The following TUBAL3 variants were observed in gnomAD, a reference collection of about 807,000 sequenced individuals.
The protein encoded by TUBAL3 is tubulin alpha like 3.
TUBAL3 carries 16 observed loss-of-function variants against 15.5 expected under a neutral mutation model. The ratio of observed to expected loss-of-function variants is 1.04; its 90% CI spans 0.70 to 1.57. The LOEUF (loss-of-function observed/expected upper bound fraction) is 1.57. Ranked by LOEUF, TUBAL3 falls within the 40% of genes most tolerant of loss-of-function variation. The pLI is 0.00. For missense variants in TUBAL3, 609 were observed against 576.2 expected (o/e 1.06, Z -0.58); for synonymous variants, 238 against 224.3 (o/e 1.06, Z -0.55).
At chr10:5,402,611 C>G (rs1307592996) in intron 1 of TUBAL3, among the ~76,000 whole-genome samples, 7 of 152,332 alleles carry the variant, frequency 4.6e-5, no homozygotes, top group Admixed American at 2.0e-4. Flanking sequence ...GGGCCACAGA[C>G]CAGTACCAGT....
chr10:5,400,664 G>A (rs977947277), intron 2 of TUBAL3, among the ~76,000 whole-genome samples, 180 bp downstream of exon 2: 2 of 152,072 alleles, frequency 1.3e-5, no homozygotes, highest in African/African-American at 4.8e-5. Flanking sequence ...CACTAATCTG[G>A]TCTTCCCTTT....
chr10:5,400,035 T>TAAAGA (rs1831825862), intron 2 of TUBAL3, among the ~76,000 whole-genome samples: 1 of 152,220 alleles, frequency 6.6e-6, no homozygotes, highest in Non-Finnish European at 1.5e-5. Flanking sequence ...GAGCCCCTTC[T>TAAAGA]CTCTCCTTTA....
In TUBAL3 at chr10:5,394,061, A is replaced by G. The variant is rs1831721282; in HGVS notation, c.797T>C (p.Leu266Pro). 1 of 1,614,222 alleles carries G rather than the reference A, an allele frequency of 6.2e-7. No individual in the cohort carries two copies. The highest frequency in any genetic ancestry group is 8.5e-7 in the Non-Finnish European group (1 of 1,180,034). The change falls in exon 4 of 4, where the codon CTG (leucine) becomes CCG (proline). Residue 266 changes from leucine (L) to proline (P), a missense_variant. Coordinates refer to ENST00000380419, the MANE Select transcript of TUBAL3 (RefSeq NM_024803.3). This position sits in a 1 kb window ranked among gnomAD's most constrained non-coding sequence, Gnocchi z 4.3. ...GAAATGTATTCTCGGATAAGGTACC[A>G]GGTTGGTCTGGAATTCAATTAGGTC... ...NVDLIEFQTN[L>P]VPYPRIHFPM...
chr10:5,404,396 C>T (rs1195870873), intron 1 of TUBAL3, among the ~76,000 whole-genome samples: 3 of 152,176 alleles, frequency 2.0e-5, no homozygotes, highest in African/African-American at 4.8e-5. Context: ...AGGTTAGCCA[C>T]GGTTACCTAA....
Position 5,396,165 on chromosome 10 carries a change from G to A in TUBAL3, c.248-690C>T, listed in dbSNP as rs1473790360. ...ACCCTAGGACACATTGGCATTTTGA[G>A]ACAAGTATTTTTATCTACAAATTGC... On this transcript the variant is annotated intron_variant, in intron 2 of 3. Transcript: ENST00000380419. The surrounding 1 kb of genome is among the most constrained non-coding windows in gnomAD (Gnocchi z 5.1). 6.6e-6 allele frequency among the ~76,000 whole-genome samples: 1 copy of A among 152,156 alleles called. No homozygotes were observed. Among genetic ancestry groups the A allele is most frequent in the Admixed American group, 6.5e-5 (1 of 15,272 alleles).
chr10:5,399,394 A>G (rs1231283260), intron 2 of TUBAL3, among the ~76,000 whole-genome samples: 1 of 152,202 alleles, frequency 6.6e-6, no homozygotes, highest in Non-Finnish European at 1.5e-5. Flanking sequence ...AAGAAGAGAC[A>G]CAGACTATTT....
chr10:5,393,691 C>T lies in TUBAL3; in HGVS notation c.1167G>A (p.Thr389=), dbSNP rs782335316. 21 of 1,614,090 alleles carry T rather than the reference C, an allele frequency of 1.3e-5. No individual in the cohort carries two copies. Among genetic ancestry groups the T allele is most frequent in the East Asian group, 4.5e-5 (2 of 44,900 alleles). The change falls in exon 4 of 4, where the codon ACG becomes ACA. Residue 389 remains threonine (T), a synonymous_variant. Transcript: ENST00000380419. Reference sequence around the variant, plus strand: ...GGCGGGCCCAGGCCTCCACAATCGCCGTGGTGTTGCTCAGCATGCAGATGG... The same window carrying T: ...GGCGGGCCCAGGCCTCCACAATCGCTGTGGTGTTGCTCAGCATGCAGATGG... ...HRSICMLSNT[T]AIVEAWARLD...
intron 2 of TUBAL3, among the ~76,000 whole-genome samples, chr10:5,400,397 T>A (rs192123913): frequency 1.3e-5 from 2 of 152,212 alleles, no homozygotes; most frequent in Non-Finnish European, 2.9e-5. Context: ...TTTGGGAGAC[T>A]AAGGCAGGTG....
intron 2 of TUBAL3, among the ~76,000 whole-genome samples, chr10:5,400,179 T>G (rs1447924052): frequency 6.6e-6 from 1 of 152,200 alleles, no homozygotes; most frequent in Non-Finnish European, 1.5e-5. Flanking sequence ...TCTTTTCAAA[T>G]ATTCTACTCT....
Position 5,395,491 on chromosome 10 carries a change from G to A in TUBAL3, c.248-16C>T. On this transcript the variant is annotated splice_polypyrimidine_tract_variant and intron_variant, in intron 2 of 3. Transcript: ENST00000380419. The surrounding 1 kb of genome is among the most constrained non-coding windows in gnomAD (Gnocchi z 4.6). ...CGGATCCCATCTGCAGAGGGTGAAA[G>A]GAGGTCAGTGCAACTCACCCAGTGC... The A allele has an allele frequency of 6.7e-7, 1 of 1,492,240 alleles. No individual in the cohort carries two copies. Among genetic ancestry groups the A allele is most frequent in the Non-Finnish European group, 9.0e-7 (1 of 1,108,310 alleles). 92.4% of individuals were successfully genotyped at this position (1,492,240 alleles called of 1,614,324 possible).
At chr10:5,404,416 C>T (rs1554814893) in intron 1 of TUBAL3, among the ~76,000 whole-genome samples, 3 of 152,170 alleles carry the variant, frequency 2.0e-5, no homozygotes, top group Non-Finnish European at 2.9e-5. Flanking sequence ...AGTCTGAAGT[C>T]CTCAGAAACT....
At position 5,397,953 on chromosome 10, in the gene TUBAL3, C is replaced by G. The variant is rs1214231045; in HGVS notation, c.248-2478G>C. On this transcript the variant is annotated intron_variant, in intron 2 of 3. Coordinates refer to ENST00000380419, the MANE Select transcript of TUBAL3 (RefSeq NM_024803.3). This position sits in a 1 kb window ranked among gnomAD's most constrained non-coding sequence, Gnocchi z 4.9. ...CTCCTGGTTACACTTGCGGGGCATT[C>G]CTTCATGACTCTGAATTTGCAAATG... 1.3e-5 allele frequency among the ~76,000 whole-genome samples: 2 copies of G among 152,136 alleles called. No individual in the cohort carries two copies. The highest frequency in any genetic ancestry group is 4.8e-5 in the African/African-American group (2 of 41,418).
At chr10:5,398,718 A>T (rs1451473183) in intron 2 of TUBAL3, among the ~76,000 whole-genome samples, 1 of 151,642 alleles carries the variant, frequency 6.6e-6, no homozygotes, top group Non-Finnish European at 1.5e-5. Flanking sequence ...ATTCCCACGC[A>T]AATTGGTAAA....
At position 5,394,040 on chromosome 10, in the gene TUBAL3, T is replaced by C. The variant is rs1327140396; in HGVS notation, c.818A>G (p.His273Arg). Reference sequence around the variant, plus strand: ...GGGGGCGAAGGCTGTCATGGGGAAATGTATTCTCGGATAAGGTACCAGGTT... The same window carrying C: ...GGGGGCGAAGGCTGTCATGGGGAAACGTATTCTCGGATAAGGTACCAGGTT... ...QTNLVPYPRI[H>R]FPMTAFAPIV... Residue 273 changes from histidine (H) to arginine (R), a missense_variant, in exon 4 of 4, where the codon CAT becomes CGT. By Grantham distance (29) the His-to-Arg change is conservative. Coordinates refer to ENST00000380419, the MANE Select transcript of TUBAL3 (RefSeq NM_024803.3). The surrounding 1 kb of genome is among the most constrained non-coding windows in gnomAD (Gnocchi z 4.3). 6.2e-7 allele frequency: 1 copy of C among 1,614,128 alleles called. No homozygotes were observed. The highest frequency in any genetic ancestry group is 8.5e-7 in the Non-Finnish European group (1 of 1,180,022).
rs190512788 is a variant in TUBAL3 at position 5,399,181 on chromosome 10, A to T, written c.247+1663T>A. The stretch of plus-strand genomic sequence containing the variant: ...TTGAGGATGATAATAATGTCTCCTG[A>T]CAGAGTGTTGAAAGAATTAGAGGAA... On this transcript the variant is annotated intron_variant, in intron 2 of 3. Transcript: ENST00000380419. Among the ~76,000 whole-genome samples, 357 of 152,314 alleles carry T rather than the reference A, an allele frequency of 2.3e-3. 3 individuals carry two copies. Among genetic ancestry groups the T allele is most frequent in the African/African-American group, 8.1e-3 (337 of 41,564 alleles).
Position 5,394,064 on chromosome 10 carries a change from T to C in TUBAL3, c.794A>G (p.Asn265Ser), listed in dbSNP as rs1831721535. The C allele has an allele frequency of 1.2e-6, 2 of 1,614,162 alleles. No homozygotes were observed. The highest frequency in any genetic ancestry group is 8.5e-7 in the Non-Finnish European group (1 of 1,180,030). ...ATGTATTCTCGGATAAGGTACCAGG[T>C]TGGTCTGGAATTCAATTAGGTCTAC... The part of the protein sequence containing the change: ...LNVDLIEFQT[N>S]LVPYPRIHFP... The change falls in exon 4 of 4, where the codon AAC (asparagine) becomes AGC (serine). Residue 265 changes from asparagine to serine, a missense_variant. Physicochemically the swap from Asn to Ser is conservative, Grantham distance 46 (BLOSUM62 1). Coordinates refer to ENST00000380419, the MANE Select transcript of TUBAL3 (RefSeq NM_024803.3). This position sits in a 1 kb window ranked among gnomAD's most constrained non-coding sequence, Gnocchi z 4.3.
rs1831780120 is a variant in TUBAL3 at position 5,397,308 on chromosome 10, CT to C, written c.248-1834del. ...ATTTATTGAAATTGAGTTTAAATAA[CT>C]TTTAACTAGCTTACACACAAACCTC... On this transcript the variant is annotated intron_variant, in intron 2 of 3. Coordinates refer to ENST00000380419, the MANE Select transcript of TUBAL3 (RefSeq NM_024803.3). This position sits in a 1 kb window ranked among gnomAD's most constrained non-coding sequence, Gnocchi z 4.9. 6.6e-6 allele frequency among the ~76,000 whole-genome samples: 1 copy of C among 152,154 alleles called. No homozygotes were observed. The highest frequency in any genetic ancestry group is 6.6e-5 in the Admixed American group (1 of 15,264).
At chr10:5,401,533 A>G (rs1831851509) in intron 1 of TUBAL3, among the ~76,000 whole-genome samples, 1 of 152,168 alleles carries the variant, frequency 6.6e-6, no homozygotes, top group African/African-American at 2.4e-5. Context: ...ACTAAAATCA[A>G]TATATAGCCT....
Position 5,395,510 on chromosome 10 carries a change from C to T in TUBAL3, c.248-35G>A, listed in dbSNP as rs200392318. 17 of 1,413,126 alleles carry T rather than the reference C, an allele frequency of 1.2e-5. No individual in the cohort carries two copies. In the Admixed American group the frequency reaches 1.7e-4, roughly 14 times the overall value. 87.5% of individuals were successfully genotyped at this position (1,413,126 alleles called of 1,614,324 possible). ...GTGAAAGGAGGTCAGTGCAACTCAC[C>T]CAGTGCAATTCAGCCGTCCACCTGC... On this transcript the variant is annotated intron_variant, in intron 2 of 3. Coordinates refer to ENST00000380419, the MANE Select transcript of TUBAL3 (RefSeq NM_024803.3). The surrounding 1 kb of genome is among the most constrained non-coding windows in gnomAD (Gnocchi z 4.6).
Sources: allele counts gnomAD v4.1 joint callset (sites outside exome capture counted in the v4.1 genomes callset), GRCh38; gene constraint gnomAD v4.1.1; non-coding constraint Gnocchi (gnomAD v3.1); transcripts MANE v1.5; gene names NCBI Gene and HGNC (gene_info 2026-07-23, HGNC 2026-07-21).